CFAP95: variants seen among roughly 807,000 people sequenced by gnomAD.
CFAP95 encodes the protein cilia and flagella associated protein 95, also known as cilia- and flagella-associated protein 95.
At chr9:69,862,324 T>C in the CFAP95 span, among the ~76,000 whole-genome samples, 1 of 152,204 alleles carries the variant, frequency 6.6e-6, no homozygotes, top group Non-Finnish European at 1.5e-5. Flanking sequence ...TAGTTTGAAT[T>C]GCTAGAATTA....
chr9:69,881,990 CT>C, the CFAP95 span, among the ~76,000 whole-genome samples: 76 of 143,844 alleles, frequency 5.3e-4, no homozygotes, highest in Non-Finnish European at 5.6e-4. Context: ...ATAGAAATGC[CT>C]TTTTTTTTTT....
the CFAP95 span, among the ~76,000 whole-genome samples, chr9:69,902,738 C>T: frequency 6.6e-6 from 1 of 151,706 alleles, no homozygotes; most frequent in Admixed American, 6.6e-5. Context: ...AGCATACTCT[C>T]TCTGCTTTCT....
the CFAP95 span, among the ~76,000 whole-genome samples, chr9:69,873,763 A>T: frequency 4.6e-5 from 7 of 152,122 alleles, no homozygotes; most frequent in African/African-American, 1.7e-4. Flanking sequence ...TCTGCCCCCC[A>T]TCTAGACAAA....
At chr9:69,879,323 C>A in the CFAP95 span, among the ~76,000 whole-genome samples, 1 of 151,792 alleles carries the variant, frequency 6.6e-6, no homozygotes, top group African/African-American at 2.4e-5. Context: ...TATTGTTGAC[C>A]AAAAGATCAC....
chr9:69,886,685 TAC>T, the CFAP95 span, among the ~76,000 whole-genome samples: 1 of 152,170 alleles, frequency 6.6e-6, no homozygotes, highest in South Asian at 2.1e-4. Flanking sequence ...CAATACTATA[TAC>T]AGAGGCTGGG....
chr9:69,856,532 A>G, the CFAP95 span: 1 of 1,425,864 alleles, frequency 7.0e-7, no homozygotes. Context: ...CATTTTTCTT[A>G]TATGTGGCTT....
At chr9:69,897,254 G>A in the CFAP95 span, among the ~76,000 whole-genome samples, 2 of 152,182 alleles carry the variant, frequency 1.3e-5, no homozygotes, top group African/African-American at 4.8e-5. Context: ...AAAAGTAAAT[G>A]GAACACTCAA....
chr9:69,837,218 T>C, the CFAP95 span, among the ~76,000 whole-genome samples: 1 of 152,216 alleles, frequency 6.6e-6, no homozygotes, highest in Non-Finnish European at 1.5e-5. Context: ...TACAGCAGCA[T>C]GATTTATAGT....
the CFAP95 span, among the ~76,000 whole-genome samples, chr9:69,901,370 C>G: frequency 5.3e-5 from 8 of 152,122 alleles, no homozygotes; most frequent in Admixed American, 5.2e-4. Flanking sequence ...ATCTCCTGAC[C>G]TCGTGATCCA....
the CFAP95 span, chr9:69,856,684 T>A: frequency 6.4e-7 from 1 of 1,560,814 alleles, no homozygotes; most frequent in African/African-American, 1.4e-5. Flanking sequence ...GTATTCTTAA[T>A]ACTTTTCTTT....
At chr9:69,888,443 A>G in the CFAP95 span, among the ~76,000 whole-genome samples, 2 of 152,186 alleles carry the variant, frequency 1.3e-5, no homozygotes, top group African/African-American at 4.8e-5. Flanking sequence ...GAAATAATAT[A>G]TGGGCAGTTT....
chr9:69,886,963 T>A, the CFAP95 span: 1 of 1,249,390 alleles, frequency 8.0e-7, no homozygotes, highest in Non-Finnish European at 1.2e-6. Context: ...CCTAGTATAG[T>A]CAAACTTGGG....
At chr9:69,875,689 C>A in the CFAP95 span, among the ~76,000 whole-genome samples, 3 of 152,128 alleles carry the variant, frequency 2.0e-5, no homozygotes, top group Non-Finnish European at 4.4e-5. Context: ...AGCAAGTTCA[C>A]TGTTGTCTAT....
chr9:69,902,307 G>T, the CFAP95 span: 1 of 454,276 alleles, frequency 2.2e-6, no homozygotes, highest in Admixed American at 2.4e-5. Context: ...AGCCTTCATA[G>T]CAAAGGATAT....
At chr9:69,857,728 A>G in the CFAP95 span, among the ~76,000 whole-genome samples, 1 of 151,996 alleles carries the variant, frequency 6.6e-6, no homozygotes, top group Non-Finnish European at 1.5e-5. Flanking sequence ...GGGTTTTACC[A>G]TGTTGCCCAG....
At chr9:69,902,782 T>C in the CFAP95 span, among the ~76,000 whole-genome samples, 1 of 152,130 alleles carries the variant, frequency 6.6e-6, no homozygotes, top group African/African-American at 2.4e-5. Context: ...TTCTAGTAAG[T>C]TGTTCTAATT....
chr9:69,836,936 T>G, the CFAP95 span, among the ~76,000 whole-genome samples: 1 of 145,658 alleles, frequency 6.9e-6, no homozygotes, highest in Non-Finnish European at 1.5e-5. Flanking sequence ...TGTGTCCATG[T>G]GTTCTCATTG....
chr9:69,854,881 T>C, the CFAP95 span, among the ~76,000 whole-genome samples: 4 of 152,214 alleles, frequency 2.6e-5, no homozygotes, highest in African/African-American at 7.2e-5. Context: ...CTGAGTAGGT[T>C]GATACAACTA....
chr9:69,884,730 C>G, the CFAP95 span: 219 of 151,666 alleles, frequency 1.4e-3, no homozygotes, highest in Non-Finnish European at 2.5e-3. Flanking sequence ...AGGCTTAACC[C>G]CTTTATTTTT....
Sources: allele counts gnomAD v4.1 joint callset (sites outside exome capture counted in the v4.1 genomes callset), GRCh38; gene constraint gnomAD v4.1.1; transcripts MANE v1.5; gene names NCBI Gene and HGNC (gene_info 2026-07-23, HGNC 2026-07-21).